GLIS3: variants seen among roughly 807,000 people sequenced by gnomAD.
GLIS3 encodes the protein GLIS family zinc finger 3.
In GLIS3, 53 loss-of-function variants were observed where a neutral mutation model predicts 78.6. That is an observed-to-expected ratio of 0.67 (90% CI 0.54 to 0.85). The LOEUF is 0.85. GLIS3 is among the 40% of genes least tolerant of loss of function. The pLI is 0.00. For synonymous variants in GLIS3, 684 were observed against 509.9 expected, an observed-to-expected ratio of 1.34 and a Z score of -4.60; for missense variants, 1,703 against 1,231.1, an observed-to-expected ratio of 1.38 and a Z score of -5.74.
chr9:4,080,585 G>A (rs1828470236), intron 4 of GLIS3, among the ~76,000 whole-genome samples: 1 of 151,990 alleles, frequency 6.6e-6, no homozygotes, highest in Admixed American at 6.6e-5. Context: ...GTTCACCAAG[G>A]ATTTTAAAAA....
intron 4 of GLIS3, among the ~76,000 whole-genome samples, chr9:4,115,169 C>T (rs1301478596): frequency 6.6e-6 from 1 of 152,204 alleles, no homozygotes; most frequent in Non-Finnish European, 1.5e-5. Flanking sequence ...ATGTGGTCAT[C>T]ATTTCTTTCT....
intron 9 of GLIS3, 21 bp downstream of exon 9, chr9:3,855,988 G>A (rs778527005): frequency 1.2e-6 from 2 of 1,613,582 alleles, no homozygotes; most frequent in East Asian, 2.2e-5. Context: ...AAACTCAAGG[G>A]ACTGCCAGCT....
chr9:4,463,882 G>A, the GLIS3 span, among the ~76,000 whole-genome samples: 41 of 152,290 alleles, frequency 2.7e-4, no homozygotes, highest in African/African-American at 9.6e-4. Flanking sequence ...TCATTTGTAC[G>A]TGTGGTATAG....
chr9:4,014,507 C>T (rs1489279502), intron 4 of GLIS3, among the ~76,000 whole-genome samples: 1 of 152,022 alleles, frequency 6.6e-6, no homozygotes, highest in African/African-American at 2.4e-5. Context: ...GGAAAGATGG[C>T]CATGTGAAAA....
At chr9:4,431,687 A>G in the GLIS3 span, among the ~76,000 whole-genome samples, 1 of 152,132 alleles carries the variant, frequency 6.6e-6, no homozygotes, top group African/African-American at 2.4e-5. Flanking sequence ...TCTACTAAAA[A>G]TACAAAATTA....
chr9:3,866,332 G>C (rs1453487958), intron 8 of GLIS3, among the ~76,000 whole-genome samples: 1 of 152,102 alleles, frequency 6.6e-6, no homozygotes. Context: ...CAGAGTTAAA[G>C]AGTAAAGGGA....
chr9:4,209,163 CT>C (rs1366006575), intron 2 of GLIS3, among the ~76,000 whole-genome samples: 7 of 152,280 alleles, frequency 4.6e-5, no homozygotes, highest in South Asian at 2.1e-4. Flanking sequence ...TGGAGACCCC[CT>C]GATCTAACCC....
chr9:4,172,267 T>A (rs1453429700), intron 2 of GLIS3, among the ~76,000 whole-genome samples: 1 of 152,182 alleles, frequency 6.6e-6, no homozygotes, highest in Non-Finnish European at 1.5e-5. Context: ...GTGGCTCAGC[T>A]CCAGTCCTCA....
intron 2 of GLIS3, among the ~76,000 whole-genome samples, chr9:4,149,915 G>T (rs553613293): frequency 4.6e-5 from 7 of 152,310 alleles, no homozygotes; most frequent in Admixed American, 2.0e-4. Flanking sequence ...ATCTGCACTT[G>T]CATATATCTT....
chr9:3,935,240 G>C (rs929864257), intron 5 of GLIS3, among the ~76,000 whole-genome samples: 2 of 152,062 alleles, frequency 1.3e-5, no homozygotes, highest in African/African-American at 4.8e-5. Flanking sequence ...TTTTAAAAGA[G>C]CTTACTAATT....
intron 4 of GLIS3, among the ~76,000 whole-genome samples, chr9:4,022,261 T>C (rs1009745118): frequency 6.6e-6 from 1 of 152,236 alleles, no homozygotes; most frequent in African/African-American, 2.4e-5. Context: ...TAGGAAATGC[T>C]ACAGCTTACA....
At chr9:3,855,764 A>G (rs576115029) in intron 9 of GLIS3, 3 of 501,608 alleles carry the variant, frequency 6.0e-6, no homozygotes, top group Admixed American at 3.1e-5. Context: ...GCCCTGGCCA[A>G]TGAAAAAACC....
chr9:4,254,134 A>G (rs1015883587), intron 2 of GLIS3, among the ~76,000 whole-genome samples: 3 of 152,370 alleles, frequency 2.0e-5, no homozygotes, highest in East Asian at 1.9e-4. Context: ...TCATTTCAAC[A>G]AACATTTATT....
At chr9:4,045,318 T>C (rs534547473) in intron 4 of GLIS3, among the ~76,000 whole-genome samples, 1 of 152,072 alleles carries the variant, frequency 6.6e-6, no homozygotes, top group South Asian at 2.1e-4. Flanking sequence ...TGAAGTGTTC[T>C]GAACTTTTTG....
At chr9:4,467,534 C>A in the GLIS3 span, among the ~76,000 whole-genome samples, 1 of 152,190 alleles carries the variant, frequency 6.6e-6, no homozygotes, top group Non-Finnish European at 1.5e-5. Flanking sequence ...TGCAGTGGAC[C>A]TCCAGCAAAC....
chr9:4,435,441 C>A, the GLIS3 span, among the ~76,000 whole-genome samples: 2 of 152,166 alleles, frequency 1.3e-5, no homozygotes, highest in African/African-American at 4.8e-5. Context: ...GGAGCACATT[C>A]CTCAGCCTGC....
chr9:4,286,760 T>C (rs1828037246), intron 1 of GLIS3, among the ~76,000 whole-genome samples: 1 of 152,174 alleles, frequency 6.6e-6, no homozygotes, highest in Non-Finnish European at 1.5e-5. Context: ...ACTGAGCCCT[T>C]CTCAATACAG....
intron 6 of GLIS3, among the ~76,000 whole-genome samples, chr9:3,909,746 G>C (rs611685): frequency 6.6e-6 from 1 of 151,934 alleles, no homozygotes; most frequent in Non-Finnish European, 1.5e-5. Flanking sequence ...AAGAAACATA[G>C]AATTTCAGAG....
chr9:4,224,712 T>A lies in GLIS3; in HGVS notation c.388+61326A>T, dbSNP rs537373025. 1.2e-4 allele frequency among the ~76,000 whole-genome samples: 17 copies of A among 137,212 alleles called. No individual in the cohort carries two copies. In the East Asian group the frequency reaches 3.3e-3, roughly 27 times the overall value. 90.0% of individuals were successfully genotyped at this position (137,212 alleles called of 152,430 possible). A position where few individuals can be genotyped will look rare whatever the true frequency, so the allele number is the denominator to read the frequency against. ...TATTCCCCCACTTACCTGTTTTTCATCTTTTTCTGTTTTTTTTTTTTTATT... is the reference window on the plus strand; with the variant it reads ...TATTCCCCCACTTACCTGTTTTTCAACTTTTTCTGTTTTTTTTTTTTTATT... On this transcript the variant is annotated intron_variant, in intron 2 of 10. Transcript: ENST00000381971.
Sources: gnomAD v4.1 joint callset for allele counts (sites outside exome capture counted in the v4.1 genomes callset) on GRCh38, gnomAD v4.1.1 for gene constraint, MANE v1.5 for transcripts, NCBI Gene and HGNC (gene_info 2026-07-23, HGNC 2026-07-21) for gene names.